Variants in MROH6 observed in about 807,000 individuals in gnomAD.
MROH6 encodes maestro heat-like repeat-containing protein family member 6.
Under a neutral mutation model 67.7 loss-of-function variants are expected in MROH6, and 62 were observed. The ratio of observed to expected loss-of-function variants is 0.92; its 90% CI spans 0.75 to 1.13. The LOEUF (loss-of-function observed/expected upper bound fraction) is 1.13. Ranked by LOEUF, MROH6 falls within the 50% of genes most tolerant of loss-of-function variation. The pLI, the probability that MROH6 is intolerant of heterozygous loss-of-function variation, is 0.00. For missense variants in MROH6, 1,175 were observed against 1,029.1 expected (o/e 1.14, Z -1.94); for synonymous variants, 566 against 470.8 (o/e 1.20, Z -2.62).
intron 1 of MROH6, 67 bp downstream of exon 1, chr8:143,572,354 G>A (rs1324992810): frequency 1.2e-5 from 18 of 1,440,282 alleles, no homozygotes; most frequent in Admixed American, 2.2e-5. Context: ...CTGCCACCCC[G>A]CCTTCCACCT....
intron 10 of MROH6, 61 bp downstream of exon 10, chr8:143,568,491 C>G: frequency 6.8e-7 from 1 of 1,463,592 alleles, no homozygotes; most frequent in South Asian, 1.4e-5. Context: ...GGAGGGGAGG[C>G]ACGGTGGGAG....
At position 143,570,418 on chromosome 8, in the gene MROH6, C is replaced by CTGAGAGGGCAGTGGGAG. The variant is rs763218332; in HGVS notation, c.906-39_906-38insCTCCCACTGCCCTCTCA. ...ACAGTGAGCAGGTGGGCAGTGGGAG[C>CTGAGAGGGCAGTGGGAG]TGAGAGGGTGACAGCATGCTGGCCC... On this transcript the variant is annotated intron_variant, in intron 5 of 13. Transcript: ENST00000398882. 9.1e-5 allele frequency: 115 copies of CTGAGAGGGCAGTGGGAG among 1,268,862 alleles called. 1 individual carries two copies. The highest frequency in any genetic ancestry group is 2.6e-4 in the Middle Eastern group (1 of 3,862). 78.6% of individuals were successfully genotyped at this position (1,268,862 alleles called of 1,614,324 possible).
chr8:143,568,946 C>T, intron 9 of MROH6: 1 of 310,226 alleles, frequency 3.2e-6, no homozygotes, highest in Non-Finnish European at 5.3e-6. Context: ...AAAAGTCGAG[C>T]GGGGAGGAGC....
chr8:143,569,477 C>CGCGCTCAGGAG lies in MROH6; in HGVS notation c.1429_1439dup (p.Glu481SerfsTer2), dbSNP rs759744892. ...GCGGAGGGAGGCGCGGTCCCAGCTC[C>CGCGCTCAGGAG]GCGCTCAGGAGCCGCACAGGCGCCC... is the stretch of plus-strand genomic sequence containing the variant. On this transcript the variant is annotated stop_gained and frameshift_variant, in exon 9 of 14. Transcript: ENST00000398882. LOFTEE classifies it high-confidence loss of function. The CGCGCTCAGGAG allele has an allele frequency of 8.1e-6, 12 of 1,474,120 alleles. No homozygotes were observed. In the South Asian group the frequency reaches 1.4e-4, roughly 18 times the overall value. 91.3% of individuals were successfully genotyped at this position (1,474,120 alleles called of 1,614,324 possible). A position where few individuals can be genotyped will look rare whatever the true frequency, so the allele number is the denominator to read the frequency against.
At chr8:143,570,419 T>TGAGA in intron 5 of MROH6, 39 bp from the exon 6 acceptor site, 1 of 1,327,850 alleles carries the variant, frequency 7.5e-7, no homozygotes, top group Non-Finnish European at 1.0e-6. Flanking sequence ...CAGTGGGAGC[T>TGAGA]GAGAGGGTGA....
In MROH6 at chr8:143,570,906, C is replaced by G. The variant is rs1035701795; in HGVS notation, c.691G>C (p.Ala231Pro). 1 of 1,547,838 alleles carries G rather than the reference C, an allele frequency of 6.5e-7. No homozygotes were observed. The highest frequency in any genetic ancestry group is 2.4e-5 in the East Asian group (1 of 40,852). Reference sequence around the variant, plus strand: ...AGTGCCTGGGGCTCCGGCCCCGAAGCACCCTTCAGCGCCCACAGCAGTTGC... The same window carrying G: ...AGTGCCTGGGGCTCCGGCCCCGAAGGACCCTTCAGCGCCCACAGCAGTTGC... ...LVQLLWALKG[A>P]SGPEPQALAA... is the part of the protein sequence containing the mutation. Residue 231 changes from alanine to proline, a missense_variant, in exon 4 of 14, where the codon GCT becomes CCT. By Grantham distance (27) the Ala-to-Pro change is conservative (BLOSUM62 -1). Transcript: ENST00000398882.
At position 143,568,681 on chromosome 8, in the gene MROH6, AAGGAGCCCGAC is replaced by A; in HGVS notation, c.1504_1514del (p.Val502TrpfsTer36). The A allele has an allele frequency of 6.6e-7, 1 of 1,519,542 alleles. No individual in the cohort carries two copies. The highest frequency in any genetic ancestry group is 8.8e-7 in the Non-Finnish European group (1 of 1,138,526). The allele number at this position is 1,519,542 out of a possible 1,614,324, so 94.1% of individuals were successfully genotyped here. On this transcript the variant is annotated frameshift_variant, in exon 10 of 14. Transcript: ENST00000398882. LOFTEE classifies it high-confidence loss of function. ...CCCGGCCCCGGCGCACCAGAGTCCC[AAGGAGCCCGAC>A]GGCCGAGGCGCGGATTGAGTCCCGT...
At chr8:143,569,393 G>T in intron 9 of MROH6, 48 bp downstream of exon 9, 1 of 1,358,848 alleles carries the variant, frequency 7.4e-7, no homozygotes, top group Non-Finnish European at 9.4e-7. Flanking sequence ...AAGGGCGGGG[G>T]CGGTGACAGC....
Position 143,567,880 on chromosome 8 carries a change from T to A in MROH6, c.1773A>T (p.Arg591=). ...LSHLCCRLVQ[R]YPGHVPNFLS... is the part of the protein sequence containing the mutation. ...GGAAGTTGGGCACGTGGCCTGGGTA[T>A]CGCTGAACCTGGGGACAAAAGGGCT... The change falls in exon 12 of 14, where the codon CGA becomes CGT. Residue 591 remains arginine, a synonymous_variant. Transcript: ENST00000398882. 1.3e-6 allele frequency: 2 copies of A among 1,524,008 alleles called. No homozygotes were observed. 94.4% of individuals were successfully genotyped at this position (1,524,008 alleles called of 1,614,324 possible).
In MROH6 at chr8:143,570,836, AC is replaced by A. The variant is rs777681514; in HGVS notation, c.720+40del. 8 of 421,300 alleles carry A rather than the reference AC, an allele frequency of 1.9e-5. No individual in the cohort carries two copies. The African/African-American group carries it at 3.1e-4, about 16-fold the overall frequency. The allele number at this position is 421,300 out of a possible 1,614,324, so 26.1% of individuals were successfully genotyped here. ...TCCTCCCCGCTCCTCGCCACCCCCC[AC>A]CCCCGCCCCCACCCCCTGGTAATGG... On this transcript the variant is annotated intron_variant, in intron 4 of 13. Transcript: ENST00000398882.
In MROH6 at chr8:143,570,350, G is replaced by A; in HGVS notation, c.936C>T (p.Leu312=). The change falls in exon 6 of 14, where the codon CTC becomes CTT. Residue 312 remains leucine (L), a synonymous_variant. Coordinates refer to ENST00000398882, the MANE Select transcript of MROH6 (RefSeq NM_001100878.2). Reference sequence around the variant, plus strand: ...CCACCATGCGGCCTCCATCCCCGGTGAGCAGCGCCTTCAAGGCCTCCACAG... The same window carrying A: ...CCACCATGCGGCCTCCATCCCCGGTAAGCAGCGCCTTCAAGGCCTCCACAG... ...SCAVEALKAL[L]TGDGGRMVVT... 4 of 1,610,942 alleles carry A rather than the reference G, an allele frequency of 2.5e-6. No homozygotes were observed. Among genetic ancestry groups the A allele is most frequent in the Non-Finnish European group, 3.4e-6 (4 of 1,179,796 alleles).
chr8:143,571,629 GCCGCGTGGGGA>G lies in MROH6; in HGVS notation c.602+27_602+37del, dbSNP rs887353469. ...CCGCCAAGCGGGAAGAGGGAAGGAA[GCCGCGTGGGGA>G]CCGCAGGGCCAGGACGGTTGGGTTA... On this transcript the variant is annotated intron_variant, in intron 3 of 13. Transcript: ENST00000398882. 3 of 1,551,646 alleles carry G rather than the reference GCCGCGTGGGGA, an allele frequency of 1.9e-6. No individual in the cohort carries two copies. In the African/African-American group the frequency reaches 4.1e-5, roughly 21 times the overall value.
chr8:143,567,451 GCA>G lies in MROH6; in HGVS notation c.1946_1947del (p.Leu649ProfsTer90). The G allele has an allele frequency of 7.3e-7, 1 of 1,373,976 alleles. No individual in the cohort carries two copies. Among genetic ancestry groups the G allele is most frequent in the Admixed American group, 3.5e-5 (1 of 28,866 alleles). The allele number at this position is 1,373,976 out of a possible 1,614,324, so 85.1% of individuals were successfully genotyped here. A position where few individuals can be genotyped will look rare whatever the true frequency, so the allele number is the denominator to read the frequency against. ...LDSLFQDLGRLQSDPKPAVAA... is the reference protein window; with the variant it reads ...LDSLFQDLGRXQSDPKPAVAA... ...GCCACAGCCGGCTTGGGGTCGCTCTGCAGTCGCCCTAGGTCTGCGAGGAGATC... is the reference window on the plus strand; with the variant it reads ...GCCACAGCCGGCTTGGGGTCGCTCTGGTCGCCCTAGGTCTGCGAGGAGATC... On this transcript the variant is annotated frameshift_variant, in exon 14 of 14. Coordinates refer to ENST00000398882, the MANE Select transcript of MROH6 (RefSeq NM_001100878.2). LOFTEE classifies it low-confidence loss of function (END_TRUNC).
In MROH6 at chr8:143,567,788, A is replaced by G. The variant is rs369160594; in HGVS notation, c.1865T>C (p.Ile622Thr). 2 of 1,556,818 alleles carry G rather than the reference A, an allele frequency of 1.3e-6. No homozygotes were observed. Among genetic ancestry groups the G allele is most frequent in the East Asian group, 2.3e-5 (1 of 44,144 alleles). ...DPLRRAAAVL[I>T]GFLVHHASPG... ...AGTGTGACCCCGGGCGGCCTCACCT[A>G]TAAGCACGGCGGCTGCCCGGCGCAG... is the stretch of plus-strand genomic sequence containing the variant. Residue 622 changes from isoleucine to threonine, a missense_variant and splice_region_variant, in exon 12 of 14, where the codon ATA becomes ACA. Physicochemically the swap from Ile to Thr is moderately conservative, Grantham distance 89. Coordinates refer to ENST00000398882, the MANE Select transcript of MROH6 (RefSeq NM_001100878.2).
In MROH6 at chr8:143,568,138, T is replaced by C; in HGVS notation, c.1764+4A>G. 3 of 1,602,764 alleles carry C rather than the reference T, an allele frequency of 1.9e-6. No individual in the cohort carries two copies. Among genetic ancestry groups the C allele is most frequent in the South Asian group, 1.1e-5 (1 of 89,172 alleles). ...CTTGCGGTCACCTTGCTTCCCCTAC[T>C]GACCAGGCGGCAGCAGAGGTGGCTC... On this transcript the variant is annotated splice_donor_region_variant and intron_variant, in intron 11 of 13. Transcript: ENST00000398882.
chr8:143,570,011 GAGCAAGTCTGCGA>G lies in MROH6; in HGVS notation c.1085_1097del (p.Phe362SerfsTer65). ...GGTCGTCCGCGCTGCGAAGCCGAGG[GAGCAAGTCTGCGA>G]AGAGGCCTCGCAGGTGGTGGTCGGC... is the stretch of plus-strand genomic sequence containing the variant. On this transcript the variant is annotated frameshift_variant, in exon 7 of 14. Transcript: ENST00000398882. LOFTEE classifies it high-confidence loss of function. 5 of 1,610,742 alleles carry G rather than the reference GAGCAAGTCTGCGA, an allele frequency of 3.1e-6. No individual in the cohort carries two copies. Among genetic ancestry groups the G allele is most frequent in the Non-Finnish European group, 4.2e-6 (5 of 1,179,840 alleles).
intron 3 of MROH6, among the ~76,000 whole-genome samples, chr8:143,571,288 C>T (rs1824021303): frequency 6.6e-6 from 1 of 152,186 alleles, no homozygotes; most frequent in Non-Finnish European, 1.5e-5. Context: ...AAAATTGCCA[C>T]AGAGAATAAA....
rs1227017868 is a variant in MROH6 at position 143,568,497 on chromosome 8, G to A, written c.1644+55C>T. The A allele has an allele frequency of 6.8e-6, 10 of 1,470,424 alleles. No homozygotes were observed. The East Asian group carries it at 2.4e-4, about 36-fold the overall frequency. The allele number at this position is 1,470,424 out of a possible 1,614,324, so 91.1% of individuals were successfully genotyped here. A position where few individuals can be genotyped will look rare whatever the true frequency, so the allele number is the denominator to read the frequency against. On this transcript the variant is annotated intron_variant, in intron 10 of 13. Coordinates refer to ENST00000398882, the MANE Select transcript of MROH6 (RefSeq NM_001100878.2). Reference sequence around the variant, plus strand: ...GTAATTGTCGGAGGGGAGGCACGGTGGGAGTGGTGAGTGTTGGATGGCATA... The same window carrying A: ...GTAATTGTCGGAGGGGAGGCACGGTAGGAGTGGTGAGTGTTGGATGGCATA...
chr8:143,567,207 G>A lies in MROH6; in HGVS notation c.*32C>T, dbSNP rs1025306063. ...GCTATGCGCGTGGGGTGCCCGAGTC[G>A]GACCCTGGCCCTCGGGCCCCAGCCC... is the stretch of plus-strand genomic sequence containing the variant. On this transcript the variant is annotated 3_prime_UTR_variant, in exon 14 of 14. Transcript: ENST00000398882. 7.4e-5 allele frequency: 88 copies of A among 1,186,184 alleles called. No individual in the cohort carries two copies. Among genetic ancestry groups the A allele is most frequent in the Non-Finnish European group, 8.6e-5 (82 of 949,386 alleles). The allele number at this position is 1,186,184 out of a possible 1,614,324, so 73.5% of individuals were successfully genotyped here.
Sources: allele counts gnomAD v4.1 joint callset (sites outside exome capture counted in the v4.1 genomes callset), GRCh38; gene constraint gnomAD v4.1.1; transcripts MANE v1.5; gene names NCBI Gene and HGNC (gene_info 2026-07-23, HGNC 2026-07-21).